The following FGFR1 variants were observed in gnomAD, a reference collection of about 807,000 sequenced individuals.
FGFR1 encodes fibroblast growth factor receptor 1.
In FGFR1, 18 loss-of-function variants were observed where a neutral mutation model predicts 93.7. The ratio of observed to expected loss-of-function variants is 0.19; its 90% CI spans 0.13 to 0.28. The LOEUF (loss-of-function observed/expected upper bound fraction) is 0.28, where lower values mean the gene tolerates loss of function less well. Ranked by LOEUF, FGFR1 falls within the 10% of genes least tolerant of loss-of-function variation. The probability of loss-of-function intolerance (pLI) is 1.00; values close to 1 mark genes in which losing one functional copy is unlikely to be tolerated. For synonymous variants in FGFR1, 448 were observed against 429.3 expected (o/e 1.04, Z -0.54); for missense variants, 731 against 1,080.4 (o/e 0.68, Z 4.53).
At chr8:38,459,730 T>C (rs1335733773) in intron 1 of FGFR1, among the ~76,000 whole-genome samples, 1 of 152,168 alleles carries the variant, frequency 6.6e-6, no homozygotes, top group Non-Finnish European at 1.5e-5. Context: ...CTCAAGGTTT[T>C]TGGATATTAG....
chr8:38,419,580 C>A lies in FGFR1; in HGVS notation c.1237G>T (p.Ala413Ser), dbSNP rs2150706832. The A allele has an allele frequency of 6.2e-7, 1 of 1,614,158 alleles. No individual in the cohort carries two copies. The highest frequency in any genetic ancestry group is 8.5e-7 in the Non-Finnish European group (1 of 1,180,028). Reference protein sequence around the residue: ...TKKSDFHSQMAVHKLAKSIPL... With the variant: ...TKKSDFHSQMSVHKLAKSIPL... Reference sequence around the variant, plus strand: ...ATGCTCTTGGCCAGCTTGTGCACAGCCATCTGGCTGTGGAAGTCACTCTTC... The same window carrying A: ...ATGCTCTTGGCCAGCTTGTGCACAGACATCTGGCTGTGGAAGTCACTCTTC... Residue 413 changes from alanine to serine, a missense_variant, in exon 9 of 18, where the codon GCT (alanine) becomes TCT (serine). Coordinates refer to ENST00000447712, the MANE Select transcript of FGFR1 (RefSeq NM_023110.3).
At position 38,419,725 on chromosome 8, in the gene FGFR1, C is replaced by T. The variant is rs375307033; in HGVS notation, c.1092G>A (p.Glu364=). 6.2e-7 allele frequency: 1 copy of T among 1,614,000 alleles called. No homozygotes were observed. The highest frequency in any genetic ancestry group is 1.3e-5 in the African/African-American group (1 of 74,916). ...AWLTVLEALE[E]RPAVMTSPLY... is the part of the protein sequence containing the mutation. ...GGGGCGAGGTCATCACTGCCGGCCT[C>T]TCTTCCAGGGCTGAGTCAGTGCGAA... Residue 364 remains glutamate (E), a synonymous_variant, in exon 9 of 18, where the codon GAG becomes GAA. Transcript: ENST00000447712.
At chr8:38,453,639 C>A (rs1027910700) in intron 2 of FGFR1, among the ~76,000 whole-genome samples, 1 of 152,166 alleles carries the variant, frequency 6.6e-6, no homozygotes, top group African/African-American at 2.4e-5. Flanking sequence ...TGGTGGCTCA[C>A]ACCTATAGTC....
At position 38,424,566 on chromosome 8, in the gene FGFR1, G is replaced by T; in HGVS notation, c.879C>A (p.Ile293=). The T allele has an allele frequency of 6.2e-7, 1 of 1,614,184 alleles. No homozygotes were observed. The highest frequency in any genetic ancestry group is 1.1e-5 in the South Asian group (1 of 91,082). Reference sequence around the variant, plus strand: ...GGCCAATCTTGCTCCCATTCACCTCGATGTGCTTTAGCCACTGGATGTGCG... The same window carrying T: ...GGCCAATCTTGCTCCCATTCACCTCTATGTGCTTTAGCCACTGGATGTGCG... ...PQPHIQWLKH[I]EVNGSKIGPD... is the part of the protein sequence containing the mutation. The change falls in exon 7 of 18, where the codon ATC becomes ATA. Residue 293 remains isoleucine (I), a synonymous_variant. Transcript: ENST00000447712. The surrounding 1 kb of genome is among the most constrained non-coding windows in gnomAD (Gnocchi z 4.3).
At chr8:38,466,975 G>A (rs1248578750) in intron 1 of FGFR1, among the ~76,000 whole-genome samples, 5 of 150,152 alleles carry the variant, frequency 3.3e-5, no homozygotes, top group Non-Finnish European at 7.4e-5. Context: ...CATCTACAAG[G>A]TCCATAAAAT....
chr8:38,432,676 A>G (rs1823614348), intron 2 of FGFR1, among the ~76,000 whole-genome samples: 1 of 152,180 alleles, frequency 6.6e-6, no homozygotes, highest in African/African-American at 2.4e-5. Context: ...AAGTGCTGGC[A>G]TGAGCCATGG....
chr8:38,420,007 C>A (rs1377085316), intron 8 of FGFR1: 5 of 472,034 alleles, frequency 1.1e-5, no homozygotes, highest in African/African-American at 1.9e-5. Flanking sequence ...AATTCCTGAG[C>A]CTCCTTGCTC....
intron 7 of FGFR1, chr8:38,422,861 C>A: frequency 1.7e-6 from 1 of 596,886 alleles, no homozygotes; most frequent in South Asian, 2.0e-5. Context: ...CAACACAATA[C>A]CAAACCAAAC....
intron 9 of FGFR1, among the ~76,000 whole-genome samples, chr8:38,419,036 G>A (rs911554429): frequency 4.6e-5 from 7 of 152,164 alleles, no homozygotes; most frequent in East Asian, 1.9e-4. Flanking sequence ...CTCTCTTCTC[G>A]TCTGCCGCCA....
At chr8:38,445,058 C>G (rs981151992) in intron 2 of FGFR1, among the ~76,000 whole-genome samples, 2 of 152,134 alleles carry the variant, frequency 1.3e-5, no homozygotes, top group African/African-American at 4.8e-5. Context: ...AATGAGAAGG[C>G]TGACTGACCC....
rs943425374 is a variant in FGFR1 at position 38,428,230 on chromosome 8, A to G, written c.448+116T>C. On this transcript the variant is annotated intron_variant, in intron 4 of 17. Coordinates refer to ENST00000447712, the MANE Select transcript of FGFR1 (RefSeq NM_023110.3). The stretch of plus-strand genomic sequence containing the variant: ...CTGTGAGCAGTGCCTGGCACTTAGC[A>G]GAACAGGCACCGTGACCCCATGTGC... The G allele has an allele frequency of 6.8e-6, 10 of 1,462,190 alleles. No homozygotes were observed. The African/African-American group carries it at 1.1e-4, about 16-fold the overall frequency. 90.6% of individuals were successfully genotyped at this position (1,462,190 alleles called of 1,614,324 possible).
At chr8:38,452,200 G>GACACACACACACACAC (rs3051753) in intron 2 of FGFR1, among the ~76,000 whole-genome samples, 10 of 139,094 alleles carry the variant, frequency 7.2e-5, no homozygotes, top group Non-Finnish European at 1.4e-4. Context: ...CAGACACACA[G>GACACACACACACACAC]ACACACACAC....
At chr8:38,432,917 C>CCCCA (rs1180294926) in intron 2 of FGFR1, among the ~76,000 whole-genome samples, 38 of 142,594 alleles carry the variant, frequency 2.7e-4, no homozygotes, top group African/African-American at 9.5e-4. Context: ...CGCCCCCCCC[C>CCCCA]CTCCCCAGTT....
At chr8:38,450,880 C>T (rs1830847709) in intron 2 of FGFR1, among the ~76,000 whole-genome samples, 3 of 152,164 alleles carry the variant, frequency 2.0e-5, no homozygotes, top group African/African-American at 7.2e-5. Context: ...GGCTTTGCTG[C>T]GCTTGCCCCA....
intron 2 of FGFR1, among the ~76,000 whole-genome samples, chr8:38,447,581 A>G (rs905884205): frequency 2.0e-5 from 3 of 152,106 alleles, no homozygotes; most frequent in Non-Finnish European, 4.4e-5. Flanking sequence ...TCCTGGGTTC[A>G]AGCTATTCTC....
At chr8:38,434,492 G>C in intron 2 of FGFR1, 1 of 401,534 alleles carries the variant, frequency 2.5e-6, no homozygotes, top group East Asian at 5.7e-5. Context: ...GTAGCTTGTG[G>C]ATTCTCATCT....
At chr8:38,464,458 A>G (rs1835099208) in intron 1 of FGFR1, among the ~76,000 whole-genome samples, 1 of 152,136 alleles carries the variant, frequency 6.6e-6, no homozygotes, top group African/African-American at 2.4e-5. Flanking sequence ...GGGCTATTAA[A>G]TGGGGGAGAG....
intron 2 of FGFR1, chr8:38,440,205 A>T: frequency 9.4e-7 from 1 of 1,061,954 alleles, no homozygotes; most frequent in Non-Finnish European, 1.4e-6. Flanking sequence ...CTTTGAAAGC[A>T]ACTTAAAAGG....
intron 2 of FGFR1, among the ~76,000 whole-genome samples, chr8:38,437,256 G>A (rs1307008707): frequency 6.6e-6 from 1 of 152,098 alleles, no homozygotes; most frequent in African/African-American, 2.4e-5. Flanking sequence ...AAAAATCCAA[G>A]GAGGAGTCAG....
Sources: gnomAD v4.1 joint callset for allele counts (sites outside exome capture counted in the v4.1 genomes callset) on GRCh38, gnomAD v4.1.1 for gene constraint, Gnocchi (gnomAD v3.1) non-coding constraint, MANE v1.5 for transcripts, NCBI Gene and HGNC (gene_info 2026-07-23, HGNC 2026-07-21) for gene names.